Variants in POU6F2 observed in about 807,000 individuals in gnomAD.
POU6F2 encodes POU class 6 homeobox 2, also known as POU domain, class 6, transcription factor 2.
A neutral mutation model predicts 71.3 loss-of-function variants in POU6F2; 31 were observed. The ratio of observed to expected loss-of-function variants is 0.43; its 90% CI spans 0.33 to 0.59. The LOEUF is 0.59. Ranked by LOEUF, POU6F2 falls within the 20% of genes least tolerant of loss-of-function variation. The pLI, the probability that POU6F2 is intolerant of heterozygous loss-of-function variation, is 0.04. For synonymous variants in POU6F2, 347 were observed against 355.7 expected (o/e 0.98, Z 0.27); for missense variants, 783 against 856.8 (o/e 0.91, Z 1.07).
chr7:39,006,660 T>C lies in POU6F2; in HGVS notation c.105+28602T>C, dbSNP rs1789080464. The C allele has an allele frequency of 2.3e-5, 14 of 600,740 alleles. No individual in the cohort carries two copies. In the South Asian group the frequency reaches 3.1e-4, roughly 13 times the overall value. The allele number at this position is 600,740 out of a possible 1,614,324, so 37.2% of individuals were successfully genotyped here. A position where few individuals can be genotyped will look rare whatever the true frequency, so the allele number is the denominator to read the frequency against. On this transcript the variant is annotated intron_variant, in intron 1 of 9. Transcript: ENST00000518318. ...GAGTCAGAACCTAGTTGTTTAGTGT[T>C]CTGTCTGCCAAGTCCTGTAAAAAGC...
intron 2 of POU6F2, among the ~76,000 whole-genome samples, chr7:39,127,882 G>T (rs369656590): frequency 7.8e-6 from 1 of 128,552 alleles, no homozygotes; most frequent in Non-Finnish European, 1.6e-5. Context: ...TTGCTCTGTC[G>T]CCCAGGCTGG....
intron 9 of POU6F2, among the ~76,000 whole-genome samples, chr7:39,463,609 A>G (rs1166175173): frequency 6.6e-6 from 1 of 152,194 alleles, no homozygotes; most frequent in Admixed American, 6.5e-5. Flanking sequence ...AAAGAGAGAG[A>G]AGTCAAAATG....
chr7:39,084,458 G>A (rs190610313), intron 1 of POU6F2, among the ~76,000 whole-genome samples: 3 of 152,290 alleles, frequency 2.0e-5, no homozygotes, highest in Non-Finnish European at 4.4e-5. Flanking sequence ...AGCTAAATGC[G>A]TGCTGAGTGC....
intron 1 of POU6F2, among the ~76,000 whole-genome samples, chr7:39,025,365 T>C (rs1789776369): frequency 6.6e-6 from 1 of 152,154 alleles, no homozygotes; most frequent in South Asian, 2.1e-4. Context: ...AAGGCTATAG[T>C]AACCAAAACA....
At chr7:39,056,749 A>G (rs1790536444) in intron 1 of POU6F2, among the ~76,000 whole-genome samples, 2 of 149,970 alleles carry the variant, frequency 1.3e-5, no homozygotes, top group South Asian at 4.2e-4. Context: ...CTATGCCAGT[A>G]GGACATTTTT....
At chr7:39,340,276 C>T (rs555681072) in intron 5 of POU6F2, among the ~76,000 whole-genome samples, 3 of 152,192 alleles carry the variant, frequency 2.0e-5, no homozygotes, top group Non-Finnish European at 4.4e-5. Flanking sequence ...GAGAGGCCAG[C>T]ACTATAAGTG....
At chr7:39,445,495 G>A (rs1039467990) in intron 7 of POU6F2, among the ~76,000 whole-genome samples, 2 of 152,090 alleles carry the variant, frequency 1.3e-5, no homozygotes, top group African/African-American at 4.8e-5. Context: ...CCCACCTTCC[G>A]TGTCTGGCAA....
chr7:39,093,185 A>G (rs1791389719), intron 2 of POU6F2, among the ~76,000 whole-genome samples: 1 of 152,100 alleles, frequency 6.6e-6, no homozygotes, highest in Non-Finnish European at 1.5e-5. Context: ...CTAATAGTCA[A>G]AGCAAGTCAC....
At chr7:39,108,599 T>C (rs1183178295) in intron 2 of POU6F2, among the ~76,000 whole-genome samples, 1 of 152,168 alleles carries the variant, frequency 6.6e-6, no homozygotes, top group African/African-American at 2.4e-5. Context: ...AGGGAATATT[T>C]CCTAGAGATA....
chr7:39,248,796 T>C (rs1324941576), intron 4 of POU6F2, among the ~76,000 whole-genome samples: 1 of 152,204 alleles, frequency 6.6e-6, no homozygotes, highest in African/African-American at 2.4e-5. Flanking sequence ...TAGTTACGTG[T>C]CACGTGGGTG....
At chr7:39,258,567 A>G (rs1220517366) in intron 4 of POU6F2, among the ~76,000 whole-genome samples, 1 of 152,150 alleles carries the variant, frequency 6.6e-6, no homozygotes, top group Non-Finnish European at 1.5e-5. Flanking sequence ...TGTTGTGGTA[A>G]CACAATTGTT....
At chr7:39,259,796 C>T (rs940676028) in intron 4 of POU6F2, among the ~76,000 whole-genome samples, 1 of 152,052 alleles carries the variant, frequency 6.6e-6, no homozygotes, top group African/African-American at 2.4e-5. Flanking sequence ...TGGGCTGCTC[C>T]CCACAGCCCA....
At chr7:39,037,421 C>T (rs1339005326) in intron 1 of POU6F2, among the ~76,000 whole-genome samples, 2 of 151,938 alleles carry the variant, frequency 1.3e-5, no homozygotes, top group Non-Finnish European at 2.9e-5. Context: ...ATATTTTTAC[C>T]CAGACAAACT....
intron 2 of POU6F2, among the ~76,000 whole-genome samples, chr7:39,169,590 C>T (rs1003542672): frequency 6.6e-6 from 1 of 152,120 alleles, no homozygotes; most frequent in African/African-American, 2.4e-5. Context: ...TTGGGCCTAA[C>T]GTAGACACAT....
chr7:39,366,782 G>A (rs1479859043), intron 5 of POU6F2, among the ~76,000 whole-genome samples: 1 of 152,162 alleles, frequency 6.6e-6, no homozygotes, highest in Admixed American at 6.5e-5. Flanking sequence ...CCCAGAGGGA[G>A]GTCTCAGGAG....
intron 4 of POU6F2, among the ~76,000 whole-genome samples, chr7:39,219,893 A>AT (rs573599245): frequency 6.6e-6 from 1 of 152,148 alleles, no homozygotes; most frequent in Non-Finnish European, 1.5e-5. Flanking sequence ...AGATAATTTG[A>AT]TTTTGCTGTG....
At chr7:39,207,018 C>A (rs959637971) in intron 3 of POU6F2, among the ~76,000 whole-genome samples, 1 of 152,036 alleles carries the variant, frequency 6.6e-6, no homozygotes. Flanking sequence ...CTTTTTGAAT[C>A]AAAAAATCCC....
intron 5 of POU6F2, among the ~76,000 whole-genome samples, chr7:39,378,613 T>A (rs900822192): frequency 6.6e-6 from 1 of 152,220 alleles, no homozygotes; most frequent in Non-Finnish European, 1.5e-5. Context: ...TAGTTTCTGC[T>A]TCTGAAAAAT....
At chr7:39,155,167 T>C (rs1215425818) in intron 2 of POU6F2, among the ~76,000 whole-genome samples, 1 of 151,678 alleles carries the variant, frequency 6.6e-6, no homozygotes, top group African/African-American at 2.4e-5. Flanking sequence ...AGAAAAAGCA[T>C]TTGGGGGTTC....
Sources: allele counts gnomAD v4.1 joint callset (sites outside exome capture counted in the v4.1 genomes callset), GRCh38; gene constraint gnomAD v4.1.1; transcripts MANE v1.5; gene names NCBI Gene and HGNC (gene_info 2026-07-23, HGNC 2026-07-21).